ASB14: variants seen among roughly 807,000 people sequenced by gnomAD.
The protein encoded by ASB14 is ankyrin repeat and SOCS box containing 14.
A neutral mutation model predicts 55.6 loss-of-function variants in ASB14; 63 were observed. That is an observed-to-expected ratio of 1.13 (90% confidence interval 0.92 to 1.40). The LOEUF is 1.40. Among genes scored for constraint, ASB14 ranks in the 40% most tolerant of loss-of-function variants. The pLI is 0.00. For missense variants in ASB14, 724 were observed against 710.4 expected (o/e 1.02, Z -0.22); for synonymous variants, 256 against 259.9 (o/e 0.98, Z 0.15).
Position 57,277,758 on chromosome 3 carries a change from GATAC to G in ASB14, c.1585+5_1585+8del. On this transcript the variant is annotated splice_donor_5th_base_variant and intron_variant, in intron 9 of 10. Transcript: ENST00000487349. Reference sequence around the variant, plus strand: ...TTGTAAAAAGTCATTCTATGAGAAGGATACTTACTTAAGATAAAATGTATTTCTG... The same window carrying G: ...TTGTAAAAAGTCATTCTATGAGAAGGTTACTTAAGATAAAATGTATTTCTG... The G allele has an allele frequency of 6.3e-7, 1 of 1,597,760 alleles. No individual in the cohort carries two copies. Among genetic ancestry groups the G allele is most frequent in the Non-Finnish European group, 8.5e-7 (1 of 1,173,692 alleles).
chr3:57,278,017 C>A, intron 8 of ASB14, 97 bp from the exon 9 acceptor site: 7 of 1,131,256 alleles, frequency 6.2e-6, no homozygotes, highest in African/African-American at 3.2e-5. Flanking sequence ...GTGATGAAAG[C>A]CAAGAGAGAA....
intron 10 of ASB14, among the ~76,000 whole-genome samples, chr3:57,274,035 C>A (rs1401844667): frequency 6.6e-6 from 1 of 151,812 alleles, no homozygotes; most frequent in African/African-American, 2.4e-5. Flanking sequence ...CACTCACTTA[C>A]CAGTTTGATT....
rs574460044 is a variant in ASB14 at position 57,275,729 on chromosome 3, CA to C, written c.*22+798del. Among the ~76,000 whole-genome samples the C allele has an allele frequency of 8.1e-4, 123 of 152,234 alleles. 1 individual carries two copies. The highest frequency in any genetic ancestry group is 8.1e-3 in the South Asian group (39 of 4,832). On this transcript the variant is annotated intron_variant, in intron 10 of 10. Transcript: ENST00000487349. ...TTGTGCAAACATAGAATCACTTATA[CA>C]AACCTAGATGGGATGGTATACTACA...
At position 57,269,629 on chromosome 3, in the gene ASB14, G is replaced by A. The variant is rs201646423; in HGVS notation, c.*23-11C>T. 2.7e-5 allele frequency: 43 copies of A among 1,614,112 alleles called. No individual in the cohort carries two copies. In the African/African-American group the frequency reaches 4.9e-4, roughly 19 times the overall value. Reference sequence around the variant, plus strand: ...GGGCAGTTTGTTGTCCTTAGCAGTAGCCAGTCAGAAGAGAGTGATTTGGGA... The same window carrying A: ...GGGCAGTTTGTTGTCCTTAGCAGTAACCAGTCAGAAGAGAGTGATTTGGGA... On this transcript the variant is annotated splice_polypyrimidine_tract_variant and intron_variant, in intron 10 of 10. Transcript: ENST00000487349.
intron 10 of ASB14, chr3:57,271,386 TA>T (rs1227703824): frequency 6.6e-6 from 1 of 152,660 alleles, no homozygotes; most frequent in Non-Finnish European, 1.5e-5. Flanking sequence ...ATACTTTTGA[TA>T]AAAAGTTTAT....
intron 5 of ASB14, among the ~76,000 whole-genome samples, chr3:57,286,171 C>G (rs926179545): frequency 6.6e-6 from 1 of 152,074 alleles, no homozygotes; most frequent in Admixed American, 6.5e-5. Flanking sequence ...TGAAACCATT[C>G]TGATTTTTCA....
At chr3:57,271,568 A>G (rs2060940219) in intron 10 of ASB14, 7 of 152,178 alleles carry the variant, frequency 4.6e-5, no homozygotes. Flanking sequence ...TTATACTACA[A>G]ATTGTCACCT....
chr3:57,271,155 T>C (rs1216899633), intron 10 of ASB14: 1 of 152,412 alleles, frequency 6.6e-6, no homozygotes, highest in African/African-American at 2.4e-5. Context: ...TGATATACAG[T>C]TTTTTCTTCT....
intron 6 of ASB14, among the ~76,000 whole-genome samples, chr3:57,282,533 C>T (rs948432091): frequency 4.7e-4 from 71 of 152,260 alleles, no homozygotes; most frequent in African/African-American, 1.5e-3. Context: ...AGCTACAGAG[C>T]TGGGGATAGG....
intron 10 of ASB14, among the ~76,000 whole-genome samples, chr3:57,274,516 A>G (rs2060971464): frequency 2.0e-5 from 3 of 151,878 alleles, no homozygotes. Flanking sequence ...ACCCCATCTC[A>G]TCTCTACTAA....
intron 5 of ASB14, among the ~76,000 whole-genome samples, chr3:57,287,304 T>C (rs2061088349): frequency 6.6e-6 from 1 of 152,210 alleles, no homozygotes; most frequent in Non-Finnish European, 1.5e-5. Context: ...TCTTTAGCTC[T>C]TTCTTCTTGG....
chr3:57,287,666 T>G (rs2061090720), intron 5 of ASB14, among the ~76,000 whole-genome samples: 1 of 152,166 alleles, frequency 6.6e-6, no homozygotes. Flanking sequence ...CAGAATTAAC[T>G]GGCTTGATGA....
At chr3:57,280,643 T>C (rs999631362) in intron 6 of ASB14, among the ~76,000 whole-genome samples, 170 bp from the exon 7 acceptor site, 20 of 152,234 alleles carry the variant, frequency 1.3e-4, no homozygotes, top group African/African-American at 4.6e-4. Context: ...AAGTAACTTA[T>C]AAACTAGTTG....
intron 5 of ASB14, among the ~76,000 whole-genome samples, chr3:57,284,509 A>C (rs1259743164): frequency 6.6e-6 from 1 of 152,124 alleles, no homozygotes; most frequent in African/African-American, 2.4e-5. Flanking sequence ...CTTGCAATGC[A>C]TTTGCTTAAC....
In ASB14 at chr3:57,276,534, C is replaced by T. The variant is rs754842475; in HGVS notation, c.*16G>A. 6.3e-7 allele frequency: 1 copy of T among 1,587,004 alleles called. No individual in the cohort carries two copies. Among genetic ancestry groups the T allele is most frequent in the South Asian group, 1.1e-5 (1 of 87,886 alleles). On this transcript the variant is annotated 3_prime_UTR_variant, in exon 10 of 11. Coordinates refer to ENST00000487349, the MANE Select transcript of ASB14 (RefSeq NM_001142733.3). ...TACAGCTGCAAAATTATACCTTTTC[C>T]ATTAGAATGGTTTGATTACCAGGTT...
At chr3:57,273,545 A>G (rs1185088548) in intron 10 of ASB14, 1 of 152,608 alleles carries the variant, frequency 6.6e-6, no homozygotes, top group Non-Finnish European at 1.5e-5. Flanking sequence ...TTAAGCTGTT[A>G]TGACATTATA....
chr3:57,287,816 A>T, intron 5 of ASB14, 85 bp downstream of exon 5: 1 of 1,358,880 alleles, frequency 7.4e-7, no homozygotes, highest in South Asian at 1.4e-5. Flanking sequence ...TGCTGCAACT[A>T]TGCATAAAAA....
intron 7 of ASB14, among the ~76,000 whole-genome samples, chr3:57,279,264 CTTTTTTT>C (rs869152915): frequency 2.3e-5 from 2 of 88,030 alleles, no homozygotes; most frequent in Non-Finnish European, 4.4e-5. Context: ...AAGAGTTTTT[CTTTTTTT>C]TTTTTTTTTT....
chr3:57,289,131 GAA>G lies in ASB14; in HGVS notation c.123-10_123-9del. 6.6e-7 allele frequency: 1 copy of G among 1,514,130 alleles called. No individual in the cohort carries two copies. The highest frequency in any genetic ancestry group is 1.2e-5 in the South Asian group (1 of 83,174). The allele number at this position is 1,514,130 out of a possible 1,614,324, so 93.8% of individuals were successfully genotyped here. A position where few individuals can be genotyped will look rare whatever the true frequency, so the allele number is the denominator to read the frequency against. The stretch of plus-strand genomic sequence containing the variant: ...CTCAAAAAGGAATGCAAACTGCAAA[GAA>G]AAAAATACATATGTAATTCCAAAAC... On this transcript the variant is annotated splice_polypyrimidine_tract_variant and intron_variant, in intron 2 of 10. Coordinates refer to ENST00000487349, the MANE Select transcript of ASB14 (RefSeq NM_001142733.3).
Sources: gnomAD v4.1 joint callset for allele counts (sites outside exome capture counted in the v4.1 genomes callset) on GRCh38, gnomAD v4.1.1 for gene constraint, MANE v1.5 for transcripts, NCBI Gene and HGNC (gene_info 2026-07-23, HGNC 2026-07-21) for gene names.